The following PCDHA10 variants were observed in gnomAD, a reference collection of about 807,000 sequenced individuals.
PCDHA10 encodes the protein protocadherin alpha-10.
A neutral mutation model predicts 61.2 loss-of-function variants in PCDHA10; 45 were observed. The observed-to-expected ratio is 0.74, with a 90% confidence interval of 0.58 to 0.94. The LOEUF (loss-of-function observed/expected upper bound fraction) is 0.94. PCDHA10 is among the 40% of genes least tolerant of loss of function. The pLI, the probability that PCDHA10 is intolerant of heterozygous loss-of-function variation, is 0.00. For synonymous variants in PCDHA10, 602 were observed against 548.8 expected (o/e 1.10, Z -1.35); for missense variants, 1,278 against 1,236.2 (o/e 1.03, Z -0.51).
rs781820550 is a variant in PCDHA10, at chr5:140,869,927, G to A, written c.2388+11491G>A. 14 of 1,611,538 alleles carry A rather than the reference G, an allele frequency of 8.7e-6. No individual in the cohort carries two copies. The East Asian group carries it at 2.5e-4, about 28-fold the overall frequency. On this transcript the variant is annotated intron_variant, in intron 1 of 3. Coordinates refer to ENST00000307360, the MANE Select transcript of PCDHA10 (RefSeq NM_018901.4). ...ACAGACCGAGACGAAGGAGTCAATG[G>A]AGAGGTAACATACTCCTTAATGTCA...
At chr5:140,915,690 T>G (rs1330039439) in intron 1 of PCDHA10, among the ~76,000 whole-genome samples, 1 of 151,558 alleles carries the variant, frequency 6.6e-6, no homozygotes, top group African/African-American at 2.4e-5. Context: ...AGGGGTATGG[T>G]GATGCAAGCA....
intron 1 of PCDHA10, chr5:140,876,192 G>C: frequency 6.2e-7 from 1 of 1,613,850 alleles, no homozygotes; most frequent in Non-Finnish European, 8.5e-7. Flanking sequence ...ACAATGGTCC[G>C]GCGTTTGATA....
At chr5:140,966,998 C>A in intron 1 of PCDHA10, 1 of 1,604,774 alleles carries the variant, frequency 6.2e-7, no homozygotes, top group Non-Finnish European at 8.5e-7. Flanking sequence ...GGGTTGCTTG[C>A]GCATCAACCA....
At position 140,877,744 on chromosome 5, in the gene PCDHA10, G is replaced by T. The variant is rs200651425; in HGVS notation, c.2388+19308G>T. ...TTACTCGCAGCAGAGGAGGCAGAGG[G>T]TGTGCTCTGCAGAGAGCCCGCCCAA... On this transcript the variant is annotated intron_variant, in intron 1 of 3. Coordinates refer to ENST00000307360, the MANE Select transcript of PCDHA10 (RefSeq NM_018901.4). The T allele has an allele frequency of 3.3e-3, 5,393 of 1,614,198 alleles. 26 individuals carry two copies. Among genetic ancestry groups the T allele is most frequent in the South Asian group, 0.011 (995 of 91,084 alleles).
chr5:140,857,095 G>T lies in PCDHA10; in HGVS notation c.1047G>T (p.Val349=), dbSNP rs1253933979. 1.3e-6 allele frequency: 2 copies of T among 1,597,378 alleles called. No homozygotes were observed. The highest frequency in any genetic ancestry group is 1.7e-5 in the Admixed American group (1 of 59,280). The change falls in exon 1 of 4, where the codon GTG becomes GTT. Residue 349 remains valine, a synonymous_variant. Transcript: ENST00000307360. ...LLDENDNSPE[V]IVTSLSLPVK... is the part of the protein sequence containing the mutation. ...ATGAAAATGATAATTCACCTGAGGT[G>T]ATTGTCACTTCTCTGTCTCTCCCAG... is the stretch of plus-strand genomic sequence containing the variant.
intron 1 of PCDHA10, among the ~76,000 whole-genome samples, chr5:140,886,239 T>C (rs2060904240): frequency 6.6e-6 from 1 of 152,062 alleles, no homozygotes; most frequent in African/African-American, 2.4e-5. Flanking sequence ...ACTTCAGAAA[T>C]AAATAAAAGT....
At chr5:140,881,195 A>G (rs943462031) in intron 1 of PCDHA10, 1 of 173,206 alleles carries the variant, frequency 5.8e-6, no homozygotes, top group Non-Finnish European at 1.1e-5. Context: ...ATATGTTAAC[A>G]TCTTTGTCTA....
chr5:140,928,551 G>T, intron 1 of PCDHA10: 2 of 1,614,164 alleles, frequency 1.2e-6, no homozygotes, highest in Non-Finnish European at 1.7e-6. Context: ...ACAATTATCC[G>T]GTTATCTTGT....
chr5:141,010,315 T>G lies in PCDHA10; in HGVS notation c.*378T>G. ...AGGGCAGGCTGAAAAGTTTTGAGAT[T>G]GAGCAGCTTGGGAGTTTGTGGCCAC... On this transcript the variant is annotated 3_prime_UTR_variant, in exon 4 of 4. Transcript: ENST00000307360. 2.6e-6 allele frequency: 4 copies of G among 1,546,626 alleles called. No homozygotes were observed. Among genetic ancestry groups the G allele is most frequent in the Non-Finnish European group, 3.5e-6 (4 of 1,145,530 alleles).
At chr5:140,955,241 A>T (rs1554221829) in intron 1 of PCDHA10, among the ~76,000 whole-genome samples, 1 of 152,114 alleles carries the variant, frequency 6.6e-6, no homozygotes, top group East Asian at 1.9e-4. Context: ...TTTGCTTAGG[A>T]TCGGCTTGGC....
At chr5:140,915,535 A>G (rs1482564103) in intron 1 of PCDHA10, among the ~76,000 whole-genome samples, 1 of 152,002 alleles carries the variant, frequency 6.6e-6, no homozygotes, top group African/African-American at 2.4e-5. Context: ...ACCATCTTGG[A>G]GGTCTTGAAT....
intron 3 of PCDHA10, among the ~76,000 whole-genome samples, chr5:141,006,057 A>G (rs2098253248): frequency 6.6e-6 from 1 of 152,022 alleles, no homozygotes. Context: ...AGAGTGGAGA[A>G]GAAATAAAAA....
In PCDHA10 at chr5:140,870,432, G is replaced by A. The variant is rs368823990; in HGVS notation, c.2388+11996G>A. On this transcript the variant is annotated intron_variant, in intron 1 of 3. Transcript: ENST00000307360. ...GGGCCACGGCCAGGGTATCCGTGGAGGTGGCCGACGTGAACGACAATGCGC... is the reference window on the plus strand; with the variant it reads ...GGGCCACGGCCAGGGTATCCGTGGAAGTGGCCGACGTGAACGACAATGCGC... 721 of 1,614,252 alleles carry A rather than the reference G, an allele frequency of 4.5e-4. 4 individuals carry two copies. In the African/African-American group the frequency reaches 8.4e-3, roughly 19 times the overall value.
intron 1 of PCDHA10, among the ~76,000 whole-genome samples, chr5:140,972,087 A>G (rs1372467840): frequency 3.3e-5 from 5 of 152,192 alleles, no homozygotes; most frequent in Non-Finnish European, 7.3e-5. Context: ...AAAAAGAGTA[A>G]TTTCTGGCAT....
Position 140,960,269 on chromosome 5 carries a change from G to A in PCDHA10, c.2389-18680G>A, listed in dbSNP as rs148980300. On this transcript the variant is annotated intron_variant, in intron 1 of 3. Transcript: ENST00000307360. ...CTTCCTGGAGCTTCTGATAAATTCC[G>A]TCACCTTTTTGGGACCCAGTTTCTT... is the stretch of plus-strand genomic sequence containing the variant. Among the ~76,000 whole-genome samples, 355 of 152,162 alleles carry A rather than the reference G, an allele frequency of 2.3e-3. 1 individual carries two copies. The highest frequency in any genetic ancestry group is 7.0e-3 in the African/African-American group (290 of 41,548).
Position 140,978,986 on chromosome 5 carries a change from C to A in PCDHA10, c.2426C>A (p.Ser809Tyr). The change falls in exon 2 of 4, where the codon TCC becomes TAC. Residue 809 changes from serine (S) to tyrosine (Y), a missense_variant. Ser to Tyr is a moderately radical substitution (Grantham distance 144). Coordinates refer to ENST00000307360, the MANE Select transcript of PCDHA10 (RefSeq NM_018901.4). ...AACCCTGACTGGCGTTACTCTGCCT[C>A]CCTGAGAGCAGGCATGCACAGGTAT... ...QPNPDWRYSA[S>Y]LRAGMHSSVH... is the part of the protein sequence containing the mutation. The A allele has an allele frequency of 6.2e-7, 1 of 1,614,190 alleles. No homozygotes were observed. The highest frequency in any genetic ancestry group is 1.7e-5 in the Admixed American group (1 of 60,026).
intron 1 of PCDHA10, chr5:140,862,483 G>A (rs1433222220): frequency 1.6e-5 from 6 of 382,112 alleles, no homozygotes; most frequent in Non-Finnish European, 2.6e-5. Context: ...ATCCATTGTT[G>A]GTAATCGCTC....
At chr5:140,869,151 C>T in intron 1 of PCDHA10, 1 of 1,613,806 alleles carries the variant, frequency 6.2e-7, no homozygotes, top group South Asian at 1.1e-5. Context: ...GACTACAGCT[C>T]TGGCTTCTCC....
chr5:140,878,848 G>T (rs1477391344), intron 1 of PCDHA10, among the ~76,000 whole-genome samples: 1 of 152,138 alleles, frequency 6.6e-6, no homozygotes, highest in Non-Finnish European at 1.5e-5. Context: ...GAACTTCTGG[G>T]TTCAACTGAT....
Sources: gnomAD v4.1 joint callset for allele counts (sites outside exome capture counted in the v4.1 genomes callset) on GRCh38, gnomAD v4.1.1 for gene constraint, MANE v1.5 for transcripts, NCBI Gene and HGNC (gene_info 2026-07-23, HGNC 2026-07-21) for gene names.